Variants in FAM222B observed in about 807,000 individuals in gnomAD.
FAM222B encodes the protein family with sequence similarity 222 member B.
A neutral mutation model predicts 38.0 loss-of-function variants in FAM222B; 12 were observed. The observed-to-expected ratio is 0.32, with a 90% confidence interval of 0.20 to 0.51. The LOEUF (loss-of-function observed/expected upper bound fraction) is 0.51. FAM222B is among the 20% of genes least tolerant of loss of function. The pLI, the probability that FAM222B is intolerant of heterozygous loss-of-function variation, is 0.97. For missense variants in FAM222B, 716 were observed against 754.2 expected (o/e 0.95, Z 0.59); for synonymous variants, 329 against 317.2 (o/e 1.04, Z -0.40).
chr17:28,766,520 G>T, intron 2 of FAM222B, 66 bp downstream of exon 2: 1 of 1,374,084 alleles, frequency 7.3e-7, no homozygotes. Context: ...TGTGCTTCAA[G>T]GACGGCCCAA....
intron 1 of FAM222B, among the ~76,000 whole-genome samples, chr17:28,822,242 G>A (rs776110882): frequency 9.0e-4 from 136 of 150,908 alleles, no homozygotes; most frequent in Non-Finnish European, 1.7e-3. Context: ...GGATGGTCTC[G>A]ATCTCTTGAC....
chr17:28,813,152 C>T (rs200549875), intron 1 of FAM222B, among the ~76,000 whole-genome samples: 1 of 121,810 alleles, frequency 8.2e-6, no homozygotes, highest in Non-Finnish European at 1.7e-5. Flanking sequence ...CACACACATA[C>T]AAAAAAAAAA....
chr17:28,799,166 G>C (rs1362560642), intron 1 of FAM222B, among the ~76,000 whole-genome samples: 1 of 149,254 alleles, frequency 6.7e-6, no homozygotes, highest in African/African-American at 2.5e-5. Context: ...GTAGAGACGG[G>C]GTTTCACCAT....
intron 1 of FAM222B, among the ~76,000 whole-genome samples, chr17:28,772,825 G>A (rs2035702209): frequency 6.6e-6 from 1 of 152,160 alleles, no homozygotes; most frequent in Admixed American, 6.6e-5. Context: ...AACTGGGGAG[G>A]CGGAGGCTGC....
chr17:28,848,634 T>C (rs1458084608), intron 1 of FAM222B, among the ~76,000 whole-genome samples: 1 of 151,918 alleles, frequency 6.6e-6, no homozygotes, highest in Non-Finnish European at 1.5e-5. Flanking sequence ...GGTGGCTACC[T>C]GTAATCCCAG....
intron 1 of FAM222B, among the ~76,000 whole-genome samples, chr17:28,798,418 T>G (rs1036127010): frequency 6.6e-6 from 1 of 151,856 alleles, no homozygotes; most frequent in African/African-American, 2.4e-5. Context: ...AATAAAGCAG[T>G]GTAAGGAAAT....
intron 1 of FAM222B, among the ~76,000 whole-genome samples, chr17:28,767,373 G>C (rs908245123): frequency 6.6e-6 from 1 of 152,146 alleles, no homozygotes; most frequent in Non-Finnish European, 1.5e-5. Flanking sequence ...GGCCAGGCTG[G>C]TCTCGAACTC....
At chr17:28,830,203 C>G (rs2038617096) in intron 1 of FAM222B, among the ~76,000 whole-genome samples, 1 of 128,840 alleles carries the variant, frequency 7.8e-6, no homozygotes, top group African/African-American at 2.9e-5. Flanking sequence ...ACTCTGTTGC[C>G]CAGGCTGGAG....
Position 28,836,896 on chromosome 17 carries a change from T to G in FAM222B, c.-41+5786A>C, listed in dbSNP as rs149281125. On this transcript the variant is annotated intron_variant, in intron 1 of 2. Transcript: ENST00000581407. ...GGGGTGGGCTCCTCCCTTAAGCTGA[T>G]CACCTGAGGTCAGGAGTTCGAGACC... 2.6e-3 allele frequency among the ~76,000 whole-genome samples: 397 copies of G among 152,126 alleles called. 3 individuals are homozygous for G. Among genetic ancestry groups the G allele is most frequent in the African/African-American group, 8.7e-3 (362 of 41,524 alleles).
At chr17:28,798,320 T>C (rs968384587) in intron 1 of FAM222B, among the ~76,000 whole-genome samples, 11 of 152,084 alleles carry the variant, frequency 7.2e-5, no homozygotes, top group African/African-American at 2.4e-4. Context: ...AGGTTGAGGC[T>C]GCAGTGAGCC....
chr17:28,843,428 C>G (rs191375132), upstream of FAM222B, among the ~76,000 whole-genome samples: 27 of 146,424 alleles, frequency 1.8e-4, no homozygotes, highest in African/African-American at 6.8e-4. Context: ...TGAGCCACCG[C>G]GCCCAGCCTG....
intron 1 of FAM222B, among the ~76,000 whole-genome samples, chr17:28,770,940 TTA>T (rs149757455): frequency 1.1e-3 from 162 of 150,666 alleles, no homozygotes; most frequent in African/African-American, 3.4e-3. Context: ...TAAGAGGCAA[TTA>T]TATATATATA....
At chr17:28,819,517 G>A (rs1256042079) in intron 1 of FAM222B, among the ~76,000 whole-genome samples, 1 of 152,016 alleles carries the variant, frequency 6.6e-6, no homozygotes, top group Non-Finnish European at 1.5e-5. Flanking sequence ...AGAAACTTGG[G>A]CTATTTTGAA....
chr17:28,829,549 C>T (rs946665470), intron 1 of FAM222B, among the ~76,000 whole-genome samples: 19 of 152,196 alleles, frequency 1.2e-4, no homozygotes, highest in African/African-American at 3.9e-4. Context: ...TTCCCCAGAA[C>T]ATCATACAAA....
At chr17:28,763,963 C>CA (rs1357672938) in intron 2 of FAM222B, among the ~76,000 whole-genome samples, 1 of 152,132 alleles carries the variant, frequency 6.6e-6, no homozygotes, top group Non-Finnish European at 1.5e-5. Flanking sequence ...CCCAGAGCCC[C>CA]AGTGTTCTGC....
At chr17:28,776,046 A>T (rs1428895521) in intron 1 of FAM222B, among the ~76,000 whole-genome samples, 5 of 149,824 alleles carry the variant, frequency 3.3e-5, no homozygotes, top group African/African-American at 1.2e-4. Context: ...ACTGCACCCC[A>T]GCCTGGGCAA....
chr17:28,776,104 G>A (rs375892045), intron 1 of FAM222B, among the ~76,000 whole-genome samples: 4 of 147,366 alleles, frequency 2.7e-5, no homozygotes, highest in African/African-American at 1.0e-4. Flanking sequence ...AAAAAAGCCA[G>A]GTGCAGTGGC....
intron 1 of FAM222B, among the ~76,000 whole-genome samples, chr17:28,801,341 T>C (rs2037214338): frequency 1.3e-5 from 2 of 149,110 alleles, no homozygotes; most frequent in South Asian, 4.2e-4. Flanking sequence ...TAGTCCCAGC[T>C]ACTCAGGAGG....
At chr17:28,772,573 C>CA (rs111471814) in intron 1 of FAM222B, among the ~76,000 whole-genome samples, 21,601 of 92,882 alleles carry the variant, frequency 0.23, 1,877 homozygotes, top group South Asian at 0.34. Flanking sequence ...AAAAAAAATA[C>CA]AAAAAAAAAA....
Sources: allele counts gnomAD v4.1 joint callset (sites outside exome capture counted in the v4.1 genomes callset), GRCh38; gene constraint gnomAD v4.1.1; transcripts MANE v1.5; gene names NCBI Gene and HGNC (gene_info 2026-07-23, HGNC 2026-07-21).